WDR72: variants seen among roughly 807,000 people sequenced by gnomAD.
WDR72 encodes the protein WD repeat domain 72, also known as WD repeat-containing protein 72.
A neutral mutation model predicts 124.2 loss-of-function variants in WDR72; 120 were observed. That is an observed-to-expected ratio of 0.97 (90% CI 0.83 to 1.12). The LOEUF (loss-of-function observed/expected upper bound fraction) is 1.12. Among genes scored for constraint, WDR72 ranks in the 50% most tolerant of loss-of-function variants. WDR72 has a pLI of 0.00. For missense variants in WDR72, 1,387 were observed against 1,278.8 expected (o/e 1.08, Z -1.29); for synonymous variants, 452 against 441.7 (o/e 1.02, Z -0.29).
At chr15:53,580,974 C>T (rs1425788722) in intron 18 of WDR72, among the ~76,000 whole-genome samples, 1 of 151,662 alleles carries the variant, frequency 6.6e-6, no homozygotes, top group South Asian at 2.1e-4. Flanking sequence ...TTGTTTTAAG[C>T]AATTGTTTAG....
chr15:53,529,779 T>C (rs912011823), intron 18 of WDR72, among the ~76,000 whole-genome samples: 2 of 151,992 alleles, frequency 1.3e-5, no homozygotes, highest in Non-Finnish European at 2.9e-5. Context: ...AGTCATTTTG[T>C]CTTACTCAAA....
At chr15:53,660,727 T>A (rs2015580899) in intron 14 of WDR72, among the ~76,000 whole-genome samples, 2 of 152,156 alleles carry the variant, frequency 1.3e-5, no homozygotes, top group South Asian at 4.1e-4. Flanking sequence ...TTAAAAAAAA[T>A]TCCAACTAAG....
intron 13 of WDR72, among the ~76,000 whole-genome samples, chr15:53,690,609 C>T (rs1025408109): frequency 1.3e-5 from 2 of 152,190 alleles, no homozygotes; most frequent in African/African-American, 4.8e-5. Flanking sequence ...TGTAGCATGA[C>T]AACTTGCTAC....
intron 11 of WDR72, among the ~76,000 whole-genome samples, chr15:53,703,062 C>T (rs886552392): frequency 5.9e-5 from 9 of 151,702 alleles, no homozygotes; most frequent in Admixed American, 1.3e-4. Context: ...CACAGGTGAG[C>T]GCCACCATGC....
At chr15:53,747,972 C>G (rs2018683172) in intron 1 of WDR72, among the ~76,000 whole-genome samples, 1 of 129,522 alleles carries the variant, frequency 7.7e-6, no homozygotes, top group Non-Finnish European at 1.7e-5. Flanking sequence ...CCTCTATTTA[C>G]AGTGAAAATC....
At chr15:53,577,799 T>G (rs11637936) in intron 18 of WDR72, among the ~76,000 whole-genome samples, 48,419 of 151,964 alleles carry the variant, frequency 0.32, 8,244 homozygotes, top group Admixed American at 0.42. Context: ...AAAGTTAACA[T>G]TGGCTTTAGG....
At chr15:53,629,861 C>G (rs536048595) in intron 14 of WDR72, among the ~76,000 whole-genome samples, 2 of 152,270 alleles carry the variant, frequency 1.3e-5, no homozygotes, top group South Asian at 4.1e-4. Context: ...TGGAGACCCT[C>G]AAAAATCCGC....
intron 14 of WDR72, among the ~76,000 whole-genome samples, chr15:53,647,273 AAAGT>A (rs1201506944): frequency 6.6e-6 from 1 of 152,114 alleles, no homozygotes; most frequent in East Asian, 1.9e-4. Context: ...AAATTTTTAA[AAAGT>A]AAGATAAGCA....
At chr15:53,671,997 G>A (rs1245996633) in intron 13 of WDR72, among the ~76,000 whole-genome samples, 2 of 150,080 alleles carry the variant, frequency 1.3e-5, no homozygotes, top group East Asian at 2.0e-4. Context: ...GGGAGAGAGC[G>A]AGAGAGAGAG....
chr15:53,716,403 G>A (rs910417603), intron 4 of WDR72, among the ~76,000 whole-genome samples: 43 of 152,114 alleles, frequency 2.8e-4, no homozygotes, highest in Admixed American at 4.6e-4. Context: ...AAAGAATCAG[G>A]GGGAAAATCT....
chr15:53,552,688 G>A (rs1157550744), intron 18 of WDR72, among the ~76,000 whole-genome samples: 1 of 152,046 alleles, frequency 6.6e-6, no homozygotes, highest in Non-Finnish European at 1.5e-5. Context: ...TTCTTTCTTG[G>A]ATAATGAAAA....
Position 53,602,856 on chromosome 15 carries a change from C to T in WDR72, c.2953-5582G>A, listed in dbSNP as rs1259893141. ...GGCAGTTAAATAAACAGCTTACCAA[C>T]CGAAAAAAGCCCAGGACCAGACAGA... On this transcript the variant is annotated intron_variant, in intron 17 of 19. Transcript: ENST00000360509. Among the ~76,000 whole-genome samples the T allele has an allele frequency of 3.3e-5, 5 of 151,842 alleles. No individual in the cohort carries two copies. In the South Asian group the frequency reaches 8.3e-4, roughly 25 times the overall value.
chr15:53,682,295 C>T (rs1362091084), intron 13 of WDR72, among the ~76,000 whole-genome samples: 4 of 152,164 alleles, frequency 2.6e-5, no homozygotes, highest in African/African-American at 7.2e-5. Context: ...CTAAAGACGA[C>T]GACTGTGGTG....
intron 14 of WDR72, among the ~76,000 whole-genome samples, chr15:53,646,339 A>G (rs886209127): frequency 7.2e-5 from 11 of 152,070 alleles, no homozygotes; most frequent in African/African-American, 2.7e-4. Flanking sequence ...CTCTTATCAT[A>G]TTTCCCAAAT....
intron 14 of WDR72, among the ~76,000 whole-genome samples, chr15:53,617,768 C>T (rs2013827045): frequency 6.6e-6 from 1 of 151,844 alleles, no homozygotes; most frequent in Admixed American, 6.6e-5. Flanking sequence ...CCATTATGTT[C>T]ATCAAAGCAG....
intron 2 of WDR72, among the ~76,000 whole-genome samples, chr15:53,732,305 T>C (rs187763682): frequency 6.6e-6 from 1 of 152,362 alleles, no homozygotes; most frequent in East Asian, 1.9e-4. Flanking sequence ...AAAAGGCTTC[T>C]TAATGAGGGC....
intron 18 of WDR72, among the ~76,000 whole-genome samples, chr15:53,568,391 C>G (rs1312351592): frequency 1.3e-5 from 2 of 151,838 alleles, no homozygotes; most frequent in East Asian, 3.9e-4. Context: ...AAAACAGTAA[C>G]TCTAACTTTG....
chr15:53,560,408 T>C (rs1407854387), intron 18 of WDR72, among the ~76,000 whole-genome samples: 3 of 151,930 alleles, frequency 2.0e-5, no homozygotes, highest in Non-Finnish European at 2.9e-5. Flanking sequence ...GATTCTTTAC[T>C]TGTCCTTACG....
At position 53,515,084 on chromosome 15, in the gene WDR72, T is replaced by TACACAC. The variant is rs1381191419; in HGVS notation, c.*2614_*2615insGTGTGT. On this transcript the variant is annotated 3_prime_UTR_variant, in exon 20 of 20. Coordinates refer to ENST00000360509, the MANE Select transcript of WDR72 (RefSeq NM_182758.4). The stretch of plus-strand genomic sequence containing the variant: ...ATATATACACACATATATATGTATG[T>TACACAC]ATACACACACACACACACACACAAA... The TACACAC allele has an allele frequency of 1.1e-4, 3 of 26,416 alleles. No homozygotes were observed. Among genetic ancestry groups the TACACAC allele is most frequent in the Admixed American group, 6.7e-4 (1 of 1,500 alleles). 1.6% of individuals were successfully genotyped at this position (26,416 alleles called of 1,614,324 possible). A position where few individuals can be genotyped will look rare whatever the true frequency, so the allele number is the denominator to read the frequency against.
Sources: allele counts gnomAD v4.1 joint callset (sites outside exome capture counted in the v4.1 genomes callset), GRCh38; gene constraint gnomAD v4.1.1; transcripts MANE v1.5; gene names NCBI Gene and HGNC (gene_info 2026-07-23, HGNC 2026-07-21).